Variants in GPC5 observed in about 807,000 individuals in gnomAD.
The protein encoded by GPC5 is glypican-5.
Under a neutral mutation model 53.9 loss-of-function variants are expected in GPC5, and 47 were observed. The ratio of observed to expected loss-of-function variants is 0.87; its 90% confidence interval spans 0.69 to 1.11. GPC5 has a LOEUF of 1.11. GPC5 is among the 50% of genes most tolerant of loss of function. The pLI is 0.00. For synonymous variants in GPC5, 286 were observed against 263.3 expected (o/e 1.09, Z -0.84); for missense variants, 748 against 713.1 (o/e 1.05, Z -0.56).
intron 6 of GPC5, among the ~76,000 whole-genome samples, chr13:92,070,420 T>C (rs1490539706): frequency 6.6e-6 from 1 of 152,208 alleles, no homozygotes; most frequent in Admixed American, 6.5e-5. Context: ...TCCCCATTGT[T>C]ATTAATCTGC....
intron 5 of GPC5, among the ~76,000 whole-genome samples, chr13:91,808,226 T>G (rs374579283): frequency 2.0e-5 from 3 of 152,144 alleles, no homozygotes; most frequent in Admixed American, 6.6e-5. Flanking sequence ...GCCTTGAGAA[T>G]GAATAATGGT....
intron 7 of GPC5, among the ~76,000 whole-genome samples, chr13:92,831,648 G>A (rs1878047893): frequency 6.6e-6 from 1 of 152,136 alleles, no homozygotes; most frequent in Non-Finnish European, 1.5e-5. Context: ...AGCAAATAAA[G>A]AACATATTGA....
chr13:92,032,415 G>T (rs763681263), intron 6 of GPC5, among the ~76,000 whole-genome samples: 1 of 149,922 alleles, frequency 6.7e-6, no homozygotes, highest in Non-Finnish European at 1.5e-5. Flanking sequence ...AATACCACCC[G>T]TTTCCCCCCA....
intron 6 of GPC5, among the ~76,000 whole-genome samples, chr13:92,091,231 TAAC>T (rs2041377898): frequency 6.6e-6 from 1 of 152,092 alleles, no homozygotes; most frequent in African/African-American, 2.4e-5. Flanking sequence ...ATAATAATAA[TAAC>T]AACAAACTAA....
intron 2 of GPC5, among the ~76,000 whole-genome samples, chr13:91,601,081 G>A (rs1481556195): frequency 6.6e-6 from 1 of 152,092 alleles, no homozygotes; most frequent in Non-Finnish European, 1.5e-5. Context: ...TCTTAATGAT[G>A]TTTTCATTGT....
chr13:91,767,307 A>G (rs1231469997), intron 5 of GPC5, among the ~76,000 whole-genome samples: 1 of 152,226 alleles, frequency 6.6e-6, no homozygotes, highest in African/African-American at 2.4e-5. Flanking sequence ...GGAGAGTGAT[A>G]GTCACTTGAA....
intron 4 of GPC5, among the ~76,000 whole-genome samples, chr13:91,734,688 G>T (rs2036776425): frequency 7.3e-6 from 1 of 137,878 alleles, no homozygotes; most frequent in Admixed American, 7.4e-5. Context: ...TGTGTGAACT[G>T]GGAACTGGGT....
intron 6 of GPC5, among the ~76,000 whole-genome samples, chr13:92,092,964 G>T (rs1382232620): frequency 6.6e-6 from 1 of 151,900 alleles, no homozygotes; most frequent in Non-Finnish European, 1.5e-5. Flanking sequence ...TAGGGTGATG[G>T]TCAAATAAAT....
intron 5 of GPC5, among the ~76,000 whole-genome samples, chr13:91,776,550 A>G (rs955224774): frequency 2.0e-5 from 3 of 152,184 alleles, no homozygotes; most frequent in African/African-American, 7.2e-5. Context: ...TTCCAGAAAT[A>G]AAAAACTAAA....
At chr13:91,662,263 A>G (rs2035005248) in intron 2 of GPC5, among the ~76,000 whole-genome samples, 1 of 152,190 alleles carries the variant, frequency 6.6e-6, no homozygotes, top group Non-Finnish European at 1.5e-5. Flanking sequence ...GAAATCAAGT[A>G]AAGAAAATGT....
At chr13:91,938,979 C>A (rs2039899177) in intron 6 of GPC5, among the ~76,000 whole-genome samples, 1 of 151,876 alleles carries the variant, frequency 6.6e-6, no homozygotes, top group South Asian at 2.1e-4. Flanking sequence ...GGCAATTGAA[C>A]CCTTTGTGAT....
intron 3 of GPC5, among the ~76,000 whole-genome samples, chr13:91,724,543 A>G (rs2036538925): frequency 6.6e-6 from 1 of 152,028 alleles, no homozygotes; most frequent in Admixed American, 6.6e-5. Context: ...AGGAAGTACC[A>G]TTGCAAAAGA....
At chr13:92,682,875 G>C (rs1257392236) in intron 7 of GPC5, among the ~76,000 whole-genome samples, 1 of 152,200 alleles carries the variant, frequency 6.6e-6, no homozygotes, top group Non-Finnish European at 1.5e-5. Context: ...CTGGCTTTCT[G>C]GGAAGAATGT....
chr13:92,626,879 A>T (rs555444373), intron 7 of GPC5, among the ~76,000 whole-genome samples: 2 of 152,310 alleles, frequency 1.3e-5, no homozygotes, highest in East Asian at 3.9e-4. Context: ...TGAAATACAC[A>T]TACATAAATG....
chr13:92,021,692 ACTT>A (rs1235778257), intron 6 of GPC5, among the ~76,000 whole-genome samples: 1 of 152,322 alleles, frequency 6.6e-6, no homozygotes, highest in Non-Finnish European at 1.5e-5. Context: ...TTATAATTCT[ACTT>A]CTGTCAATAG....
chr13:91,608,857 C>T (rs948708270), intron 2 of GPC5, among the ~76,000 whole-genome samples: 3 of 151,486 alleles, frequency 2.0e-5, no homozygotes, highest in African/African-American at 4.8e-5. Flanking sequence ...AATGATTGGA[C>T]ATCAGTTCTG....
chr13:92,795,305 C>G (rs1005514451), intron 7 of GPC5, among the ~76,000 whole-genome samples: 4 of 151,916 alleles, frequency 2.6e-5, no homozygotes, highest in African/African-American at 9.7e-5. Context: ...ATTTAATAAA[C>G]AGTGCTGGGA....
At chr13:92,301,155 G>A (rs2043072531) in intron 7 of GPC5, among the ~76,000 whole-genome samples, 1 of 152,182 alleles carries the variant, frequency 6.6e-6, no homozygotes, top group Non-Finnish European at 1.5e-5. Context: ...GAAATCTTGA[G>A]ACTAAAAATA....
chr13:92,296,857 C>T (rs1053508112), intron 7 of GPC5, among the ~76,000 whole-genome samples: 39 of 152,220 alleles, frequency 2.6e-4, no homozygotes, highest in Admixed American at 2.4e-3. Flanking sequence ...TGCCGGCCCA[C>T]TGGCGCTGTG....
Sources: gnomAD v4.1 joint callset for allele counts (sites outside exome capture counted in the v4.1 genomes callset) on GRCh38, gnomAD v4.1.1 for gene constraint, MANE v1.5 for transcripts, NCBI Gene and HGNC (gene_info 2026-07-23, HGNC 2026-07-21) for gene names.